Variants in SLC4A11 observed in about 807,000 individuals in gnomAD.
SLC4A11 encodes solute carrier family 4 member 11.
SLC4A11 carries 74 observed loss-of-function variants against 95.0 expected under a neutral mutation model. The ratio of observed to expected loss-of-function variants is 0.78; its 90% CI spans 0.65 to 0.95. The LOEUF (loss-of-function observed/expected upper bound fraction) is 0.95. SLC4A11 is among the 40% of genes least tolerant of loss of function. The pLI, the probability that SLC4A11 is intolerant of heterozygous loss-of-function variation, is 0.00. For synonymous variants in SLC4A11, 548 were observed against 519.0 expected (o/e 1.06, Z -0.76); for missense variants, 1,081 against 1,192.4 (o/e 0.91, Z 1.38).
chr20:3,229,854 G>A, intron 13 of SLC4A11, 78 bp from the exon 14 acceptor site: 3 of 1,597,226 alleles, frequency 1.9e-6, no homozygotes, highest in Non-Finnish European at 1.7e-6. Context: ...GGATCTCAGG[G>A]AGAAAGGGCT....
chr20:3,235,730 TGCCCTGA>T (rs1311932897), intron 2 of SLC4A11, among the ~76,000 whole-genome samples: 1 of 152,038 alleles, frequency 6.6e-6, no homozygotes, highest in Admixed American at 6.6e-5. Context: ...AATATTCCTC[TGCCCTGA>T]GCCCTGCAGT....
rs764792724 is a variant in SLC4A11 at position 3,227,759 on chromosome 20, C to T, written c.*28G>A. On this transcript the variant is annotated 3_prime_UTR_variant, in exon 20 of 20. Coordinates refer to ENST00000642402, the MANE Select transcript of SLC4A11 (RefSeq NM_001174089.2). ...AGCCTGGGAGGACGTGGAGGGCTGGCGAATGGGGCGTGGGCAGGGTCTGCC... is the reference window on the plus strand; with the variant it reads ...AGCCTGGGAGGACGTGGAGGGCTGGTGAATGGGGCGTGGGCAGGGTCTGCC... The T allele has an allele frequency of 4.3e-6, 7 of 1,610,834 alleles. No homozygotes were observed. Among genetic ancestry groups the T allele is most frequent in the South Asian group, 1.1e-5 (1 of 91,008 alleles).
Position 3,230,508 on chromosome 20 carries a change from C to T in SLC4A11, c.1415+7G>A, listed in dbSNP as rs776577908. 2 of 1,613,772 alleles carry T rather than the reference C, an allele frequency of 1.2e-6. No homozygotes were observed. Among genetic ancestry groups the T allele is most frequent in the Admixed American group, 3.3e-5 (2 of 60,036 alleles). Reference sequence around the variant, plus strand: ...GGGTCCCAGCAGCTCACGGAAGGGCCAGTCACCTCTTGAAGAGACTCATGA... The same window carrying T: ...GGGTCCCAGCAGCTCACGGAAGGGCTAGTCACCTCTTGAAGAGACTCATGA... On this transcript the variant is annotated splice_region_variant and intron_variant, in intron 12 of 19. Coordinates refer to ENST00000642402, the MANE Select transcript of SLC4A11 (RefSeq NM_001174089.2).
chr20:3,237,777 G>A (rs1055991679), intron 1 of SLC4A11, 189 bp from the exon 2 acceptor site: 7 of 1,609,728 alleles, frequency 4.3e-6, no homozygotes, highest in Non-Finnish European at 5.9e-6. Context: ...GGGGAAGCCA[G>A]CCTTAATCTC....
At chr20:3,228,141 C>A in intron 19 of SLC4A11, 118 bp downstream of exon 19, 4 of 666,240 alleles carry the variant, frequency 6.0e-6, no homozygotes, top group South Asian at 4.6e-5. Context: ...TGGGCACCCA[C>A]CCCAACCCGC....
intron 6 of SLC4A11, 35 bp from the exon 7 acceptor site, chr20:3,233,672 C>T (rs754088354): frequency 1.9e-6 from 3 of 1,608,466 alleles, no homozygotes; most frequent in African/African-American, 1.3e-5. Flanking sequence ...TGCACAGTTG[C>T]ACCCCAGGGA....
chr20:3,228,906 G>C lies in SLC4A11; in HGVS notation c.2124C>G (p.His708Gln). 6.2e-7 allele frequency: 1 copy of C among 1,613,978 alleles called. No homozygotes were observed. The highest frequency in any genetic ancestry group is 8.5e-7 in the Non-Finnish European group (1 of 1,180,022). ...GLPWIHAAYP[H>Q]SPLHVRALAL... ...CCAGGGCTCGCACGTGCAGCGGGGA[G>C]TGGGGGTAGGCGGCATGGATCCAAG... Residue 708 changes from histidine to glutamine, a missense_variant, in exon 17 of 20, where the codon CAC becomes CAG. Around this residue, in one of 3 missense-constraint regions of SLC4A11, gnomAD observed 767 missense variants for 858.0 expected, o/e 0.89. Coordinates refer to ENST00000642402, the MANE Select transcript of SLC4A11 (RefSeq NM_001174089.2).
chr20:3,230,886 G>T (rs752573486), intron 10 of SLC4A11, 41 bp from the exon 11 acceptor site: 3 of 1,612,760 alleles, frequency 1.9e-6, no homozygotes, highest in African/African-American at 2.7e-5. Flanking sequence ...GCAGCCCAGG[G>T]CCCAGCCCAG....
In SLC4A11 at chr20:3,227,623, A is replaced by G. The variant is rs977882490; in HGVS notation, c.*164T>C. The G allele has an allele frequency of 2.8e-6, 2 of 714,890 alleles. No individual in the cohort carries two copies. Among genetic ancestry groups the G allele is most frequent in the African/African-American group, 3.5e-5 (2 of 57,456 alleles). 44.3% of individuals were successfully genotyped at this position (714,890 alleles called of 1,614,324 possible). A position where few individuals can be genotyped will look rare whatever the true frequency, so the allele number is the denominator to read the frequency against. On this transcript the variant is annotated 3_prime_UTR_variant, in exon 20 of 20. Coordinates refer to ENST00000642402, the MANE Select transcript of SLC4A11 (RefSeq NM_001174089.2). ...GATAATGGGAGAGGGGTGGGCACAT[A>G]CCACTGCACCCCTACAATGCCCAGA...
At position 3,234,066 on chromosome 20, in the gene SLC4A11, C is replaced by G. The variant is rs544741705; in HGVS notation, c.523+17G>C. 5.6e-6 allele frequency: 9 copies of G among 1,613,710 alleles called. No homozygotes were observed. Among genetic ancestry groups the G allele is most frequent in the Non-Finnish European group, 6.8e-6 (8 of 1,179,968 alleles). Reference sequence around the variant, plus strand: ...CCCCTCCCAACGCCCCCGCCCGGGCCGGGAGACCGGCCTCACCTTTACCCC... The same window carrying G: ...CCCCTCCCAACGCCCCCGCCCGGGCGGGGAGACCGGCCTCACCTTTACCCC... On this transcript the variant is annotated intron_variant, in intron 5 of 19. Transcript: ENST00000642402. This position sits in a 1 kb window ranked among gnomAD's most constrained non-coding sequence, Gnocchi z 5.8.
chr20:3,230,312 G>T (rs750554204), intron 12 of SLC4A11, 52 bp from the exon 13 acceptor site: 40 of 1,598,546 alleles, frequency 2.5e-5, no homozygotes, highest in Non-Finnish European at 3.0e-5. Context: ...GGGGGCAGGT[G>T]GGGGAGGCCT....
At position 3,234,066 on chromosome 20, in the gene SLC4A11, C is replaced by T. The variant is rs544741705; in HGVS notation, c.523+17G>A. 3.7e-6 allele frequency: 6 copies of T among 1,613,710 alleles called. No homozygotes were observed. The highest frequency in any genetic ancestry group is 2.2e-5 in the East Asian group (1 of 44,866). ...CCCCTCCCAACGCCCCCGCCCGGGC[C>T]GGGAGACCGGCCTCACCTTTACCCC... On this transcript the variant is annotated intron_variant, in intron 5 of 19. Coordinates refer to ENST00000642402, the MANE Select transcript of SLC4A11 (RefSeq NM_001174089.2). This position sits in a 1 kb window ranked among gnomAD's most constrained non-coding sequence, Gnocchi z 5.8.
At position 3,234,405 on chromosome 20, in the gene SLC4A11, C is replaced by T. The variant is rs2067898072; in HGVS notation, c.292-91G>A. ...TCCCTCCCAGCCAGCCGCAGCAGTC[C>T]AGCCCCCAGCCCCCAGCCCCCAGCC... On this transcript the variant is annotated intron_variant, in intron 4 of 19. Coordinates refer to ENST00000642402, the MANE Select transcript of SLC4A11 (RefSeq NM_001174089.2). The surrounding 1 kb of genome is among the most constrained non-coding windows in gnomAD (Gnocchi z 5.8). 3 of 1,412,638 alleles carry T rather than the reference C, an allele frequency of 2.1e-6. No homozygotes were observed. The highest frequency in any genetic ancestry group is 3.0e-6 in the Non-Finnish European group (3 of 1,012,532). 87.5% of individuals were successfully genotyped at this position (1,412,638 alleles called of 1,614,324 possible). A position where few individuals can be genotyped will look rare whatever the true frequency, so the allele number is the denominator to read the frequency against.
At position 3,233,520 on chromosome 20, in the gene SLC4A11, G is replaced by C. The variant is rs1439831055; in HGVS notation, c.723C>G (p.Pro241=). The part of the protein sequence containing the change: ...VRFVILVLAP[P]KMKSTKTAME... The stretch of plus-strand genomic sequence containing the variant: ...CACGGCACTACCCACTCACCATCTT[G>C]GGTGGGGCCAGCACCAGGATGACGA... Residue 241 remains proline (P), a synonymous_variant, in exon 7 of 20, where the codon CCC becomes CCG. Transcript: ENST00000642402. 2 of 1,613,568 alleles carry C rather than the reference G, an allele frequency of 1.2e-6. No homozygotes were observed. The highest frequency in any genetic ancestry group is 2.2e-5 in the East Asian group (1 of 44,874).
chr20:3,230,429 G>A (rs1463174467), intron 12 of SLC4A11, 86 bp downstream of exon 12: 1 of 1,604,022 alleles, frequency 6.2e-7, no homozygotes, highest in Non-Finnish European at 8.5e-7. Context: ...ATATGGTGGG[G>A]GCACCCCCAC....
At chr20:3,239,297 T>C, upstream of SLC4A11, 1 of 1,150,790 alleles carries the variant, frequency 8.7e-7, no homozygotes, top group Non-Finnish European at 1.1e-6. Flanking sequence ...CCGGGCGCGG[T>C]AGGCAGAGCT....
rs919833014 is a variant in SLC4A11 at position 3,227,576 on chromosome 20, C to T, written c.*211G>A. 14 of 613,472 alleles carry T rather than the reference C, an allele frequency of 2.3e-5. No individual in the cohort carries two copies. Among genetic ancestry groups the T allele is most frequent in the Non-Finnish European group, 3.2e-5 (11 of 340,532 alleles). 38.0% of individuals were successfully genotyped at this position (613,472 alleles called of 1,614,324 possible). ...CCTGGGCAGAAGCTGCCCTGAGCAACGCTCTTGGCCTAAAGCTAAAGGATA... is the reference window on the plus strand; with the variant it reads ...CCTGGGCAGAAGCTGCCCTGAGCAATGCTCTTGGCCTAAAGCTAAAGGATA... On this transcript the variant is annotated 3_prime_UTR_variant, in exon 20 of 20. Transcript: ENST00000642402.
Position 3,231,728 on chromosome 20 carries a change from T to C in SLC4A11, c.730-180A>G, listed in dbSNP as rs2067788880. ...AGTGCAGTGGCACACTCACGGCTTA[T>C]CGTAGCCTCGACCTCCCGGGCTCAA... On this transcript the variant is annotated intron_variant, in intron 7 of 19. Coordinates refer to ENST00000642402, the MANE Select transcript of SLC4A11 (RefSeq NM_001174089.2). This position sits in a 1 kb window ranked among gnomAD's most constrained non-coding sequence, Gnocchi z 5.2. 1.3e-5 allele frequency among the ~76,000 whole-genome samples: 2 copies of C among 152,168 alleles called. No homozygotes were observed. The highest frequency in any genetic ancestry group is 2.9e-5 in the Non-Finnish European group (2 of 68,028).
rs776410652 is a variant in SLC4A11, at chr20:3,230,939, C to T, written c.1162G>A (p.Ala388Thr). The T allele has an allele frequency of 2.5e-6, 4 of 1,608,992 alleles. No homozygotes were observed. Among genetic ancestry groups the T allele is most frequent in the East Asian group, 2.2e-5 (1 of 44,744 alleles). The stretch of plus-strand genomic sequence containing the variant: ...CCCACCGCCAGCCCCTCACCGATGG[C>T]CCCGTCTGTGTTCTCGTCATTGAGA... ...GSLNDENTDG[A>T]IDVQKTIAGQ... The change falls in exon 10 of 20, where the codon GCC becomes ACC. Residue 388 changes from alanine to threonine, a missense_variant. Transcript: ENST00000642402.
Sources: allele counts gnomAD v4.1 joint callset (sites outside exome capture counted in the v4.1 genomes callset), GRCh38; gene constraint gnomAD v4.1.1; regional missense constraint gnomAD v4.1.1; non-coding constraint Gnocchi (gnomAD v3.1); transcripts MANE v1.5; gene names NCBI Gene and HGNC (gene_info 2026-07-23, HGNC 2026-07-21).